GRIA4: variants seen among roughly 807,000 people sequenced by gnomAD.
GRIA4 encodes the protein glutamate ionotropic receptor AMPA type subunit 4, also known as glutamate receptor 4.
In GRIA4, 34 loss-of-function variants were observed where a neutral mutation model predicts 104.0. The ratio of observed to expected loss-of-function variants is 0.33; its 90% CI spans 0.25 to 0.44. The LOEUF is 0.44. Ranked by LOEUF, GRIA4 falls within the 20% of genes least tolerant of loss-of-function variation. GRIA4 has a pLI of 1.00. For missense variants in GRIA4, 750 were observed against 1,096.5 expected, an observed-to-expected ratio of 0.68 and a Z score of 4.46; for synonymous variants, 386 against 381.9, an observed-to-expected ratio of 1.01 and a Z score of -0.13.
chr11:105,667,901 T>C (rs1176623721), intron 3 of GRIA4, among the ~76,000 whole-genome samples: 1 of 151,968 alleles, frequency 6.6e-6, no homozygotes, highest in African/African-American at 2.4e-5. Context: ...ATGTGTGTTA[T>C]ATATGTATTA....
At chr11:105,736,933 T>C (rs894270702) in intron 3 of GRIA4, among the ~76,000 whole-genome samples, 1 of 152,078 alleles carries the variant, frequency 6.6e-6, no homozygotes, top group South Asian at 2.1e-4. Flanking sequence ...ACTGCTTTCA[T>C]CACACACAAA....
intron 3 of GRIA4, among the ~76,000 whole-genome samples, chr11:105,747,332 C>T (rs913924747): frequency 2.6e-5 from 4 of 152,072 alleles, no homozygotes; most frequent in African/African-American, 9.7e-5. Context: ...TGTTGACAAT[C>T]CACTTTAAAT....
chr11:105,646,253 T>C (rs1373979803), intron 3 of GRIA4, among the ~76,000 whole-genome samples: 5 of 152,124 alleles, frequency 3.3e-5, no homozygotes, highest in Non-Finnish European at 7.4e-5. Context: ...CAAAACTTAG[T>C]AGGAAATTTA....
intron 4 of GRIA4, among the ~76,000 whole-genome samples, chr11:105,857,570 C>A (rs1380843183): frequency 6.6e-6 from 1 of 152,092 alleles, no homozygotes; most frequent in Admixed American, 6.6e-5. Flanking sequence ...AACTGGCATA[C>A]CCTTCATCTT....
At chr11:105,710,566 G>T (rs2135547455) in intron 3 of GRIA4, among the ~76,000 whole-genome samples, 1 of 152,228 alleles carries the variant, frequency 6.6e-6, no homozygotes, top group Middle Eastern at 3.4e-3. Flanking sequence ...GATATTTTCT[G>T]TTTGAAGTTT....
At chr11:105,873,067 C>T (rs1404596445) in intron 5 of GRIA4, among the ~76,000 whole-genome samples, 1 of 152,016 alleles carries the variant, frequency 6.6e-6, no homozygotes, top group Non-Finnish European at 1.5e-5. Flanking sequence ...AATGCTATTC[C>T]TCCACTAGCC....
chr11:105,904,474 A>G (rs1416563522), intron 8 of GRIA4, among the ~76,000 whole-genome samples: 1 of 152,198 alleles, frequency 6.6e-6, no homozygotes, highest in African/African-American at 2.4e-5. Flanking sequence ...CTAGCTAACC[A>G]CAAGGGGTTC....
chr11:105,865,805 A>G (rs1299240924), intron 5 of GRIA4, among the ~76,000 whole-genome samples: 1 of 152,202 alleles, frequency 6.6e-6, no homozygotes, highest in Admixed American at 6.5e-5. Flanking sequence ...AAGCAACAAC[A>G]AATCTTATCT....
chr11:105,912,018 A>C (rs1947263234), intron 10 of GRIA4: 1 of 1,260,928 alleles, frequency 7.9e-7, no homozygotes, highest in East Asian at 3.5e-5. Flanking sequence ...TTCTTCTTGG[A>C]TGACCAACTC....
chr11:105,781,280 T>A (rs1008845415), intron 4 of GRIA4, among the ~76,000 whole-genome samples: 5 of 152,118 alleles, frequency 3.3e-5, no homozygotes, highest in African/African-American at 1.2e-4. Context: ...CCCTGGTGTG[T>A]CTACAGGCCC....
chr11:105,773,355 T>C (rs980426306), intron 4 of GRIA4, among the ~76,000 whole-genome samples: 2 of 152,082 alleles, frequency 1.3e-5, no homozygotes, highest in South Asian at 2.1e-4. Context: ...TAATTTTCTA[T>C]AAAACAAGCA....
At chr11:105,610,885 T>C (rs1431490092) in intron 1 of GRIA4, 23 bp from the exon 2 acceptor site, 1 of 471,886 alleles carries the variant, frequency 2.1e-6, no homozygotes, top group Admixed American at 3.6e-5. Flanking sequence ...TTTTTTTTTT[T>C]TTTTGGTTGA....
At chr11:105,851,772 T>A (rs1352869177) in intron 4 of GRIA4, among the ~76,000 whole-genome samples, 1 of 152,146 alleles carries the variant, frequency 6.6e-6, no homozygotes, top group Non-Finnish European at 1.5e-5. Flanking sequence ...TAAACATCCA[T>A]CCCTCCTGTC....
intron 3 of GRIA4, among the ~76,000 whole-genome samples, chr11:105,717,695 T>C (rs1591130538): frequency 6.6e-6 from 1 of 151,930 alleles, no homozygotes; most frequent in Non-Finnish European, 1.5e-5. Flanking sequence ...GCCTTTGTTC[T>C]CTCTTTTTTC....
intron 4 of GRIA4, among the ~76,000 whole-genome samples, chr11:105,856,609 C>A (rs1235371379): frequency 6.6e-6 from 1 of 152,116 alleles, no homozygotes. Flanking sequence ...TATATTTATT[C>A]TGACTGTCCA....
At chr11:105,685,506 G>A (rs1952850751) in intron 3 of GRIA4, among the ~76,000 whole-genome samples, 1 of 152,152 alleles carries the variant, frequency 6.6e-6, no homozygotes, top group East Asian at 1.9e-4. Flanking sequence ...GCACTTTCAT[G>A]TAATTCAGTC....
intron 4 of GRIA4, among the ~76,000 whole-genome samples, chr11:105,835,835 T>C (rs1254842874): frequency 6.6e-6 from 1 of 151,930 alleles, no homozygotes; most frequent in East Asian, 1.9e-4. Context: ...AACTAGCAGA[T>C]ATATACTAGT....
At chr11:105,620,978 C>G (rs183565552) in intron 3 of GRIA4, among the ~76,000 whole-genome samples, 16 of 151,776 alleles carry the variant, frequency 1.1e-4, no homozygotes, top group African/African-American at 3.9e-4. Flanking sequence ...CATGCTATCT[C>G]AAAATTGCTC....
At chr11:105,782,829 G>T (rs1773156844) in intron 4 of GRIA4, among the ~76,000 whole-genome samples, 1 of 152,138 alleles carries the variant, frequency 6.6e-6, no homozygotes, top group African/African-American at 2.4e-5. Flanking sequence ...AAGGGCTTTG[G>T]GCTCAAATAG....
Sources: allele counts gnomAD v4.1 joint callset (sites outside exome capture counted in the v4.1 genomes callset), GRCh38; gene constraint gnomAD v4.1.1; transcripts MANE v1.5; gene names NCBI Gene and HGNC (gene_info 2026-07-23, HGNC 2026-07-21).